DEPDC5: variants seen among roughly 807,000 people sequenced by gnomAD.
DEPDC5 encodes the protein GATOR1 complex protein DEPDC5.
Under a neutral mutation model 217.3 loss-of-function variants are expected in DEPDC5, and 73 were observed. The ratio of observed to expected loss-of-function variants is 0.34; its 90% CI spans 0.28 to 0.41. The LOEUF (loss-of-function observed/expected upper bound fraction) is 0.41. Ranked by LOEUF, DEPDC5 falls within the 10% of genes least tolerant of loss-of-function variation. DEPDC5 has a pLI of 1.00. For synonymous variants in DEPDC5, 733 were observed against 756.7 expected (o/e 0.97, Z 0.51); for missense variants, 1,675 against 2,070.1 (o/e 0.81, Z 3.70).
chr22:31,867,995 C>T (rs112318109), intron 33 of DEPDC5, among the ~76,000 whole-genome samples: 8 of 152,252 alleles, frequency 5.3e-5, no homozygotes, highest in South Asian at 2.1e-4. Flanking sequence ...TTTAAATTTA[C>T]GGCATGGTCT....
chr22:31,846,477 G>T (rs1293954989), intron 30 of DEPDC5, among the ~76,000 whole-genome samples: 1 of 152,204 alleles, frequency 6.6e-6, no homozygotes. Context: ...CTTTGGTTTT[G>T]AAGTGAGGTC....
In DEPDC5 at chr22:31,823,532, CAAAAAAAAA is replaced by C. The variant is rs375009177; in HGVS notation, c.2104+756_2104+764del. On this transcript the variant is annotated intron_variant, in intron 24 of 42. Coordinates refer to ENST00000651528, the MANE Select transcript of DEPDC5 (RefSeq NM_001242896.3). ...TGGGCTGCACAGCCAGACTCCATCT[CAAAAAAAAA>C]AAAAAAAAAAAAAGAGAAGTGAGCA... Among the ~76,000 whole-genome samples the C allele has an allele frequency of 5.7e-5, 3 of 52,248 alleles. 1 individual carries two copies. Among genetic ancestry groups the C allele is most frequent in the Admixed American group, 2.2e-4 (1 of 4,634 alleles). 34.3% of individuals were successfully genotyped at this position (52,248 alleles called of 152,430 possible).
intron 24 of DEPDC5, among the ~76,000 whole-genome samples, chr22:31,826,164 C>A (rs924958974): frequency 6.6e-6 from 1 of 151,844 alleles, no homozygotes; most frequent in African/African-American, 2.4e-5. Flanking sequence ...GTACTACCAC[C>A]CCCAGCTAAT....
rs1055316926 is a variant in DEPDC5 at position 31,778,183 on chromosome 22, A to G, written c.483+15A>G. The G allele has an allele frequency of 1.2e-6, 2 of 1,613,772 alleles. No homozygotes were observed. Among genetic ancestry groups the G allele is most frequent in the Non-Finnish European group, 8.5e-7 (1 of 1,179,672 alleles). On this transcript the variant is annotated intron_variant, in intron 8 of 42. Transcript: ENST00000651528. ...AAGATACCAGGGTAAGATTTATAAA[A>G]TGCTTTTTTGGTTTTATCTCTCCAT...
Position 31,874,091 on chromosome 22 carries a change from C to T in DEPDC5, c.3564-182C>T, listed in dbSNP as rs2092926774. Reference sequence around the variant, plus strand: ...TACAGGCGTGAGCGACCACGCTGGGCCCCCGGTAACAGTTTCTTTTGTCCT... The same window carrying T: ...TACAGGCGTGAGCGACCACGCTGGGTCCCCGGTAACAGTTTCTTTTGTCCT... On this transcript the variant is annotated intron_variant, in intron 35 of 42. Transcript: ENST00000651528. 3 of 963,502 alleles carry T rather than the reference C, an allele frequency of 3.1e-6. 1 individual carries two copies. The highest frequency in any genetic ancestry group is 3.0e-5 in the East Asian group (1 of 33,714). 59.7% of individuals were successfully genotyped at this position (963,502 alleles called of 1,614,324 possible).
Position 31,815,020 on chromosome 22 carries a change from C to G in DEPDC5, c.1474C>G (p.Arg492Gly). Residue 492 changes from arginine to glycine, a missense_variant, in exon 21 of 43, where the codon CGA becomes GGA. Arg to Gly is a moderately radical substitution (Grantham distance 125). Coordinates refer to ENST00000651528, the MANE Select transcript of DEPDC5 (RefSeq NM_001242896.3). ...RSVRERESHS[R>G]KSASSCDVSS... ...TGTGCGAGAGCGAGAGAGTCACAGTCGAAAGAGTGCCAGCTCCTGTGATGT... is the reference window on the plus strand; with the variant it reads ...TGTGCGAGAGCGAGAGAGTCACAGTGGAAAGAGTGCCAGCTCCTGTGATGT... The G allele has an allele frequency of 1.2e-6, 2 of 1,614,096 alleles. No individual in the cohort carries two copies. Among genetic ancestry groups the G allele is most frequent in the Non-Finnish European group, 8.5e-7 (1 of 1,180,002 alleles).
intron 6 of DEPDC5, among the ~76,000 whole-genome samples, chr22:31,768,370 T>C (rs1045860909): frequency 6.6e-6 from 1 of 152,172 alleles, no homozygotes; most frequent in Non-Finnish European, 1.5e-5. Flanking sequence ...CCACAAATTA[T>C]AGGTAGAATT....
At chr22:31,766,811 TC>T in intron 6 of DEPDC5, 143 bp downstream of exon 6, 1 of 710,218 alleles carries the variant, frequency 1.4e-6, no homozygotes, top group East Asian at 2.7e-5. Flanking sequence ...TCTGTGTTCT[TC>T]CATTCTCTTT....
intron 15 of DEPDC5, among the ~76,000 whole-genome samples, chr22:31,803,383 T>C (rs2087103110): frequency 6.6e-6 from 1 of 151,994 alleles, no homozygotes; most frequent in Non-Finnish European, 1.5e-5. Flanking sequence ...GCTAATTTTT[T>C]TTGTATTTTT....
At chr22:31,766,476 T>A in intron 5 of DEPDC5, 109 bp from the exon 6 acceptor site, 1 of 993,190 alleles carries the variant, frequency 1.0e-6, no homozygotes, top group South Asian at 1.4e-5. Context: ...GGTCTTCCAG[T>A]AGTTTTCTTT....
chr22:31,793,558 G>A (rs1377520472), intron 12 of DEPDC5, among the ~76,000 whole-genome samples: 2 of 151,782 alleles, frequency 1.3e-5, no homozygotes, highest in African/African-American at 4.8e-5. Context: ...TCATGATCAT[G>A]TTTAACGTTA....
intron 22 of DEPDC5, among the ~76,000 whole-genome samples, chr22:31,820,969 C>T (rs1293915953): frequency 1.3e-5 from 2 of 152,220 alleles, no homozygotes; most frequent in Non-Finnish European, 2.9e-5. Flanking sequence ...ATGCCCTCTT[C>T]CTTCAATCGC....
chr22:31,885,319 G>A (rs985382582), intron 38 of DEPDC5, among the ~76,000 whole-genome samples: 5 of 152,196 alleles, frequency 3.3e-5, no homozygotes, highest in Non-Finnish European at 7.3e-5. Context: ...TCTGGTGTCC[G>A]TGAACACGCC....
chr22:31,863,015 C>T (rs996871492), intron 33 of DEPDC5, among the ~76,000 whole-genome samples: 3 of 152,132 alleles, frequency 2.0e-5, no homozygotes, highest in Non-Finnish European at 2.9e-5. Context: ...CCATACACAG[C>T]TAATTTTTTA....
intron 3 of DEPDC5, 124 bp downstream of exon 3, chr22:31,758,757 C>T: frequency 1.7e-5 from 17 of 975,736 alleles, no homozygotes; most frequent in East Asian, 2.5e-5. Flanking sequence ...GTAATTCCAG[C>T]ACTTTGGGAG....
rs767186645 is a variant in DEPDC5, at chr22:31,792,127, G to A, written c.694+25G>A. On this transcript the variant is annotated intron_variant, in intron 11 of 42. Coordinates refer to ENST00000651528, the MANE Select transcript of DEPDC5 (RefSeq NM_001242896.3). ...GGTGAGTAACTATTTCTCTCCTACA[G>A]TTATGTTTTTGTTAAGCTTCCCCCA... is the stretch of plus-strand genomic sequence containing the variant. The A allele has an allele frequency of 5.1e-6, 8 of 1,568,962 alleles. No individual in the cohort carries two copies. In the Admixed American group the frequency reaches 1.2e-4, roughly 23 times the overall value.
At chr22:31,777,966 T>C in intron 7 of DEPDC5, 133 bp from the exon 8 acceptor site, 1 of 914,070 alleles carries the variant, frequency 1.1e-6, no homozygotes, top group Non-Finnish European at 1.7e-6. Flanking sequence ...CAGGCTGGTC[T>C]CGAAGTCCTG....
intron 38 of DEPDC5, among the ~76,000 whole-genome samples, chr22:31,882,616 G>A (rs2093206286): frequency 6.6e-6 from 1 of 152,164 alleles, no homozygotes; most frequent in African/African-American, 2.4e-5. Context: ...CAGATTAGAA[G>A]CAGAAAATTG....
intron 32 of DEPDC5, among the ~76,000 whole-genome samples, chr22:31,860,664 T>G (rs1246054526): frequency 6.6e-6 from 1 of 152,134 alleles, no homozygotes; most frequent in East Asian, 1.9e-4. Flanking sequence ...TGCTTGTGTA[T>G]CTGACATTAT....
Sources: gnomAD v4.1 joint callset for allele counts (sites outside exome capture counted in the v4.1 genomes callset) on GRCh38, gnomAD v4.1.1 for gene constraint, MANE v1.5 for transcripts, NCBI Gene and HGNC (gene_info 2026-07-23, HGNC 2026-07-21) for gene names.